KCNMA1: variants seen among roughly 807,000 people sequenced by gnomAD.
KCNMA1 encodes the protein Calcium-activated potassium channel subunit alpha-1.
In KCNMA1, 29 loss-of-function variants were observed where a neutral mutation model predicts 140.0. That is an observed-to-expected ratio of 0.21 (90% confidence interval 0.15 to 0.28). The LOEUF is 0.28. KCNMA1 is among the 10% of genes least tolerant of loss of function. The pLI is 1.00. For missense variants in KCNMA1, 880 were observed against 1,602.2 expected (o/e 0.55, Z 7.70); for synonymous variants, 612 against 611.9 (o/e 1.00, Z 0.00).
At chr10:77,542,200 C>A (rs1253566793) in intron 1 of KCNMA1, among the ~76,000 whole-genome samples, 2 of 152,186 alleles carry the variant, frequency 1.3e-5, no homozygotes, top group African/African-American at 4.8e-5. Context: ...TTCCCATCCT[C>A]CAGAATTGTG....
intron 1 of KCNMA1, among the ~76,000 whole-genome samples, chr10:77,496,579 A>C (rs924699799): frequency 7.3e-6 from 1 of 136,192 alleles, no homozygotes; most frequent in African/African-American, 2.7e-5. Context: ...CCTGGGTGAC[A>C]GAGCGAGACA....
At chr10:77,077,398 C>T (rs2096433676) in intron 13 of KCNMA1, among the ~76,000 whole-genome samples, 1 of 152,194 alleles carries the variant, frequency 6.6e-6, no homozygotes, top group Non-Finnish European at 1.5e-5. Flanking sequence ...ATCTTCCTCA[C>T]TGTTTCTGAA....
intron 9 of KCNMA1, among the ~76,000 whole-genome samples, chr10:77,097,575 A>G (rs145931490): frequency 2.6e-5 from 4 of 152,326 alleles, no homozygotes; most frequent in African/African-American, 9.6e-5. Context: ...ACCACCCTGA[A>G]TCTACTAGCA....
intron 1 of KCNMA1, among the ~76,000 whole-genome samples, chr10:77,410,105 C>T (rs774631098): frequency 7.2e-5 from 11 of 152,172 alleles, no homozygotes; most frequent in African/African-American, 2.2e-4. Context: ...CCTCACAGAA[C>T]GCAGGGCTCA....
chr10:77,426,007 T>C (rs768360742), intron 1 of KCNMA1, among the ~76,000 whole-genome samples: 1 of 152,188 alleles, frequency 6.6e-6, no homozygotes, highest in Non-Finnish European at 1.5e-5. Context: ...AGGGACTGTG[T>C]CGTCTGATTC....
chr10:76,936,598 T>C (rs887598605), intron 23 of KCNMA1, among the ~76,000 whole-genome samples: 3 of 152,130 alleles, frequency 2.0e-5, no homozygotes, highest in South Asian at 2.1e-4. Context: ...TGAAATGTTA[T>C]ATGGGAGCAG....
At chr10:77,039,406 C>T (rs878946394) in intron 15 of KCNMA1, 122 bp downstream of exon 15, 35 of 724,256 alleles carry the variant, frequency 4.8e-5, no homozygotes, top group South Asian at 3.7e-4. Context: ...GCCGAGCACA[C>T]GGGATACCCT....
intron 2 of KCNMA1, among the ~76,000 whole-genome samples, chr10:77,298,768 C>G (rs1049488547): frequency 6.6e-6 from 1 of 152,192 alleles, no homozygotes; most frequent in Non-Finnish European, 1.5e-5. Context: ...CGGCATCCAG[C>G]AGAGTTCTTT....
intron 2 of KCNMA1, among the ~76,000 whole-genome samples, chr10:77,387,588 TTTTCTTTTCTTTTCTTTTC>T (rs1381777464): frequency 5.3e-5 from 7 of 132,836 alleles, no homozygotes; most frequent in Non-Finnish European, 9.7e-5. Flanking sequence ...TTCTTTTCTC[TTTTCTTTTCTTTTCTTTTC>T]TTTCTTTTCT....
chr10:77,406,180 T>G (rs2096465723), intron 1 of KCNMA1, among the ~76,000 whole-genome samples: 1 of 152,142 alleles, frequency 6.6e-6, no homozygotes, highest in South Asian at 2.1e-4. Flanking sequence ...GGTCTTGCCC[T>G]GGTCCCTGAG....
chr10:77,045,918 G>A (rs970526486), intron 14 of KCNMA1, among the ~76,000 whole-genome samples: 1 of 152,142 alleles, frequency 6.6e-6, no homozygotes, highest in Non-Finnish European at 1.5e-5. Context: ...TCCAAAGATT[G>A]TCATATACTA....
intron 1 of KCNMA1, among the ~76,000 whole-genome samples, chr10:77,454,648 A>C (rs1420066416): frequency 6.6e-6 from 1 of 152,216 alleles, no homozygotes; most frequent in Non-Finnish European, 1.5e-5. Context: ...AGCGATCACG[A>C]TACACGAACA....
chr10:77,231,659 C>T (rs1389579595), intron 3 of KCNMA1, among the ~76,000 whole-genome samples: 1 of 149,950 alleles, frequency 6.7e-6, no homozygotes, highest in Non-Finnish European at 1.5e-5. Context: ...GTCTGTGACG[C>T]CTCCAGCATG....
intron 2 of KCNMA1, among the ~76,000 whole-genome samples, chr10:77,252,016 G>T (rs1207193975): frequency 6.6e-6 from 1 of 152,212 alleles, no homozygotes; most frequent in Non-Finnish European, 1.5e-5. Context: ...ATTTAGGAAA[G>T]TAGTTCCAGT....
chr10:77,344,268 GAGT>G (rs1180744647), intron 2 of KCNMA1, among the ~76,000 whole-genome samples: 1 of 152,224 alleles, frequency 6.6e-6, no homozygotes, highest in African/African-American at 2.4e-5. Flanking sequence ...CAGCCAGGCT[GAGT>G]AGAAAGTAAG....
chr10:76,918,666 T>C (rs1420276036), intron 23 of KCNMA1, among the ~76,000 whole-genome samples: 1 of 152,166 alleles, frequency 6.6e-6, no homozygotes, highest in African/African-American at 2.4e-5. Flanking sequence ...ACAGCCACTA[T>C]GGAAAACAGT....
intron 5 of KCNMA1, among the ~76,000 whole-genome samples, chr10:77,143,074 C>T (rs1338602019): frequency 6.6e-6 from 1 of 151,672 alleles, no homozygotes; most frequent in Non-Finnish European, 1.5e-5. Flanking sequence ...ATTTATAATG[C>T]CAGAATAATC....
chr10:77,308,991 T>C (rs565354232), intron 2 of KCNMA1, among the ~76,000 whole-genome samples: 1 of 152,324 alleles, frequency 6.6e-6, no homozygotes, highest in Admixed American at 6.5e-5. Flanking sequence ...TTCTCTATCC[T>C]TCACTGTTCC....
intron 20 of KCNMA1, among the ~76,000 whole-genome samples, chr10:76,964,897 T>C (rs1381594555): frequency 6.6e-6 from 1 of 152,226 alleles, no homozygotes; most frequent in African/African-American, 2.4e-5. Flanking sequence ...CTGGGTCTCC[T>C]GACATGAAAC....
Sources: allele counts gnomAD v4.1 joint callset (sites outside exome capture counted in the v4.1 genomes callset), GRCh38; gene constraint gnomAD v4.1.1; transcripts MANE v1.5; gene names NCBI Gene and HGNC (gene_info 2026-07-23, HGNC 2026-07-21).